Variants in DIO2 observed in about 807,000 individuals in gnomAD.
DIO2 encodes the protein iodothyronine deiodinase 2.
A neutral mutation model predicts 21.4 loss-of-function variants in DIO2; 19 were observed. The ratio of observed to expected loss-of-function variants is 0.89; its 90% CI spans 0.62 to 1.30. The LOEUF (loss-of-function observed/expected upper bound fraction) is 1.30. Ranked by LOEUF, DIO2 falls within the 50% of genes most tolerant of loss-of-function variation. The pLI, the probability that DIO2 is intolerant of heterozygous loss-of-function variation, is 0.00. For missense variants in DIO2, 302 were observed against 338.1 expected, an observed-to-expected ratio of 0.89 and a Z score of 0.84; for synonymous variants, 122 against 132.9, an observed-to-expected ratio of 0.92 and a Z score of 0.57.
chr14:80,229,558 T>C (rs1180988347), intron 2 of DIO2, among the ~76,000 whole-genome samples: 1 of 152,206 alleles, frequency 6.6e-6, no homozygotes, highest in African/African-American at 2.4e-5. Context: ...TAAGTAGGTC[T>C]GAAGTAACTA....
chr14:80,227,082 T>G (rs533696554), intron 2 of DIO2, among the ~76,000 whole-genome samples: 2 of 152,314 alleles, frequency 1.3e-5, no homozygotes, highest in East Asian at 3.9e-4. Context: ...TTCTACCTAC[T>G]GGGAAGATTT....
intron 1 of DIO2, among the ~76,000 whole-genome samples, chr14:80,208,916 C>A (rs1460977542): frequency 6.6e-6 from 1 of 152,192 alleles, no homozygotes; most frequent in Admixed American, 6.5e-5. Context: ...GGGGTTGCTT[C>A]TGCACATGGT....
chr14:80,223,079 C>T (rs1888498338), intron 2 of DIO2, among the ~76,000 whole-genome samples: 1 of 152,060 alleles, frequency 6.6e-6, no homozygotes, highest in African/African-American at 2.4e-5. Flanking sequence ...AACTCCTGGG[C>T]TCAAGAGATC....
chr14:80,210,084 G>C (rs894782795), intron 1 of DIO2, among the ~76,000 whole-genome samples: 2 of 152,152 alleles, frequency 1.3e-5, no homozygotes, highest in African/African-American at 4.8e-5. Context: ...CTAAAATACA[G>C]ATGTACAGTT....
chr14:80,211,265 C>A lies in DIO2; in HGVS notation c.208G>T (p.Asp70Tyr). 1 of 1,610,760 alleles carries A rather than the reference C, an allele frequency of 6.2e-7. No individual in the cohort carries two copies. The highest frequency in any genetic ancestry group is 8.5e-7 in the Non-Finnish European group (1 of 1,179,644). The change falls in exon 1 of 2, where the codon GAT becomes TAT. Residue 70 changes from aspartate to tyrosine, a missense_variant. Physicochemically the swap from Asp to Tyr is radical, Grantham distance 160. Coordinates refer to ENST00000438257, the MANE Select transcript of DIO2 (RefSeq NM_013989.5). ...LRCVWKSFLL[D>Y]AYKQVKLGED... ...GCTCAGCTCACCTGTTTGTAGGCAT[C>A]GAGGAGGAAGCTCTTCCAGACGCAG...
intron 2 of DIO2, among the ~76,000 whole-genome samples, chr14:80,224,076 C>A (rs1000728637): frequency 6.6e-6 from 1 of 152,144 alleles, no homozygotes; most frequent in Non-Finnish European, 1.5e-5. Flanking sequence ...TATTATATAC[C>A]TGCCCCTCTT....
rs943823560 is a variant in DIO2, at chr14:80,202,121, G to A, written c.*568C>T. ...ATCTACAAATATACCAATAATTTCTGGGGTATGAAGACTGAGAGCACTACA... is the reference window on the plus strand; with the variant it reads ...ATCTACAAATATACCAATAATTTCTAGGGTATGAAGACTGAGAGCACTACA... On this transcript the variant is annotated 3_prime_UTR_variant, in exon 2 of 2. Coordinates refer to ENST00000438257, the MANE Select transcript of DIO2 (RefSeq NM_013989.5). 1.5e-4 allele frequency: 46 copies of A among 312,352 alleles called. No individual in the cohort carries two copies. The highest frequency in any genetic ancestry group is 2.5e-4 in the Non-Finnish European group (39 of 158,774). 19.3% of individuals were successfully genotyped at this position (312,352 alleles called of 1,614,324 possible).
At chr14:80,203,582 G>T (rs1431056049) in intron 1 of DIO2, among the ~76,000 whole-genome samples, 4 of 152,150 alleles carry the variant, frequency 2.6e-5, no homozygotes, top group African/African-American at 9.7e-5. Context: ...TTAAGCCAAG[G>T]CTGTTATTCT....
chr14:80,212,224 T>C (rs1888236571), upstream of DIO2: 1 of 152,182 alleles, frequency 6.6e-6, no homozygotes, highest in African/African-American at 2.4e-5. Flanking sequence ...CCCTGGCTAA[T>C]TGCTGCAATA....
At position 80,202,483 on chromosome 14, in the gene DIO2, A is replaced by G; in HGVS notation, c.*206T>C. 1.3e-6 allele frequency: 1 copy of G among 742,554 alleles called. No homozygotes were observed. Among genetic ancestry groups the G allele is most frequent in the Non-Finnish European group, 2.4e-6 (1 of 413,504 alleles). The allele number at this position is 742,554 out of a possible 1,614,324, so 46.0% of individuals were successfully genotyped here. A position where few individuals can be genotyped will look rare whatever the true frequency, so the allele number is the denominator to read the frequency against. ...TTTCACATAGGGCTTTTTACTAAGA[A>G]GAGAGGTGATATGGTTACTTACTCA... On this transcript the variant is annotated 3_prime_UTR_variant, in exon 2 of 2. Coordinates refer to ENST00000438257, the MANE Select transcript of DIO2 (RefSeq NM_013989.5).
rs1368256914 is a variant in DIO2, at chr14:80,198,685, G to A, written c.*4004C>T. 2 of 149,868 alleles carry A rather than the reference G, an allele frequency of 1.3e-5. No homozygotes were observed. The highest frequency in any genetic ancestry group is 6.7e-5 in the Admixed American group (1 of 14,882). 9.3% of individuals were successfully genotyped at this position (149,868 alleles called of 1,614,324 possible). A position where few individuals can be genotyped will look rare whatever the true frequency, so the allele number is the denominator to read the frequency against. ...TTCTGGAAGCATATATGAAGAGTGG[G>A]TTTGGATTCTATTTTTAGAGTGAAG... On this transcript the variant is annotated 3_prime_UTR_variant, in exon 2 of 2. Transcript: ENST00000438257.
upstream of DIO2, among the ~76,000 whole-genome samples, chr14:80,215,119 C>T (rs904711723): frequency 1.3e-5 from 2 of 152,152 alleles, no homozygotes; most frequent in African/African-American, 2.4e-5. Context: ...GTGTTCTTAG[C>T]AATCAACATG....
intron 2 of DIO2, among the ~76,000 whole-genome samples, chr14:80,222,551 G>C (rs1888485007): frequency 6.6e-6 from 1 of 152,128 alleles, no homozygotes; most frequent in Non-Finnish European, 1.5e-5. Context: ...TATATTTATT[G>C]GGAGAAATAT....
intron 1 of DIO2, among the ~76,000 whole-genome samples, chr14:80,209,668 G>A (rs1175271446): frequency 1.3e-5 from 2 of 152,144 alleles, no homozygotes; most frequent in East Asian, 3.8e-4. Context: ...ATATAAATGA[G>A]TTTTTACTGT....
intron 2 of DIO2, among the ~76,000 whole-genome samples, chr14:80,222,654 C>T (rs1377185675): frequency 6.6e-6 from 1 of 152,156 alleles, no homozygotes; most frequent in Non-Finnish European, 1.5e-5. Context: ...AACCTCTTCA[C>T]AGGGATACTG....
At chr14:80,220,741 C>G (rs1159151056) in intron 2 of DIO2, among the ~76,000 whole-genome samples, 2 of 152,160 alleles carry the variant, frequency 1.3e-5, no homozygotes, top group East Asian at 3.9e-4. Flanking sequence ...GGAAATTACT[C>G]TTGCTTCTTT....
chr14:80,230,581 T>C (rs1351153908), intron 2 of DIO2, among the ~76,000 whole-genome samples: 1 of 152,158 alleles, frequency 6.6e-6, no homozygotes, highest in East Asian at 1.9e-4. Flanking sequence ...AAAGGTATGA[T>C]GTACAGAGTC....
chr14:80,201,060 C>T lies in DIO2; in HGVS notation c.*1629G>A, dbSNP rs930906841. On this transcript the variant is annotated 3_prime_UTR_variant, in exon 2 of 2. Coordinates refer to ENST00000438257, the MANE Select transcript of DIO2 (RefSeq NM_013989.5). The stretch of plus-strand genomic sequence containing the variant: ...TATTTACCAAAAAGAAATTATGATA[C>T]GAAAGTGGTTGGTCCATTCTTTTGG... The T allele has an allele frequency of 4.6e-5, 7 of 151,470 alleles. No individual in the cohort carries two copies. Among genetic ancestry groups the T allele is most frequent in the Non-Finnish European group, 4.4e-5 (3 of 67,906 alleles). 9.4% of individuals were successfully genotyped at this position (151,470 alleles called of 1,614,324 possible).
intron 1 of DIO2, among the ~76,000 whole-genome samples, chr14:80,205,147 A>T (rs1348669997): frequency 1.3e-5 from 2 of 152,194 alleles, no homozygotes; most frequent in African/African-American, 4.8e-5. Flanking sequence ...AAATTTAAAG[A>T]TATGTTGAAG....
Sources: gnomAD v4.1 joint callset for allele counts (sites outside exome capture counted in the v4.1 genomes callset) on GRCh38, gnomAD v4.1.1 for gene constraint, MANE v1.5 for transcripts, NCBI Gene and HGNC (gene_info 2026-07-23, HGNC 2026-07-21) for gene names.